The following PARD3 variants were observed in gnomAD, a reference collection of about 807,000 sequenced individuals.
PARD3 encodes the protein par-3 family cell polarity regulator.
Under a neutral mutation model 155.4 loss-of-function variants are expected in PARD3, and 75 were observed. The observed-to-expected ratio is 0.48, with a 90% CI of 0.40 to 0.58. The LOEUF (loss-of-function observed/expected upper bound fraction) is 0.58. Among genes scored for constraint, PARD3 ranks in the 20% least tolerant of loss-of-function variants. The pLI is 0.00. For synonymous variants in PARD3, 576 were observed against 610.5 expected (o/e 0.94, Z 0.83); for missense variants, 1,642 against 1,721.7 (o/e 0.95, Z 0.82).
At chr10:34,240,321 A>G (rs1244101438) in intron 22 of PARD3, among the ~76,000 whole-genome samples, 1 of 152,232 alleles carries the variant, frequency 6.6e-6, no homozygotes, top group Non-Finnish European at 1.5e-5. Context: ...GAGTAAGTAC[A>G]GATGTGCAAA....
chr10:34,782,197 G>C (rs1053414118), intron 1 of PARD3, among the ~76,000 whole-genome samples: 1 of 152,210 alleles, frequency 6.6e-6, no homozygotes, highest in Non-Finnish European at 1.5e-5. Context: ...ATGGAGGCCT[G>C]ATTTAAGGAC....
At chr10:34,729,162 T>C (rs1327452297) in intron 1 of PARD3, among the ~76,000 whole-genome samples, 3 of 152,206 alleles carry the variant, frequency 2.0e-5, no homozygotes, top group African/African-American at 4.8e-5. Context: ...TTTCACAGAA[T>C]GAATCCTCCT....
intron 2 of PARD3, among the ~76,000 whole-genome samples, chr10:34,682,975 G>A (rs965627957): frequency 1.3e-5 from 2 of 152,160 alleles, no homozygotes; most frequent in African/African-American, 2.4e-5. Context: ...GGCCGACAAC[G>A]GCAACCACAA....
intron 2 of PARD3, among the ~76,000 whole-genome samples, chr10:34,579,225 G>A (rs1220258385): frequency 4.0e-5 from 6 of 151,464 alleles, no homozygotes; most frequent in South Asian, 2.1e-4. Flanking sequence ...AGCCAAGATC[G>A]CGCCACTGCG....
At chr10:34,767,998 T>G (rs1838328846) in intron 1 of PARD3, among the ~76,000 whole-genome samples, 1 of 152,120 alleles carries the variant, frequency 6.6e-6, no homozygotes. Context: ...ATAAGAAGCA[T>G]GAGTTTGTTT....
rs1177251777 is a variant in PARD3, at chr10:34,145,217, ATATATTTT to A, written c.3420-13642_3420-13635del. ...TATATATATATATATATATATATAT[ATATATTTT>A]TTTTTTTTTTTTTTTTACAGGATCT... On this transcript the variant is annotated intron_variant, in intron 22 of 24. Coordinates refer to ENST00000374788, the MANE Select transcript of PARD3 (RefSeq NM_001184785.2). Among the ~76,000 whole-genome samples, 7 of 57,958 alleles carry A rather than the reference ATATATTTT, an allele frequency of 1.2e-4. 1 individual carries two copies. Among genetic ancestry groups the A allele is most frequent in the African/African-American group, 4.7e-4 (5 of 10,624 alleles). The allele number at this position is 57,958 out of a possible 152,430, so 38.0% of individuals were successfully genotyped here.
chr10:34,543,740 TGTGCACTGTC>T (rs2083825534), intron 2 of PARD3, among the ~76,000 whole-genome samples: 1 of 152,244 alleles, frequency 6.6e-6, no homozygotes, highest in Non-Finnish European at 1.5e-5. Flanking sequence ...AAAGTGGGTA[TGTGCACTGTC>T]ACTAATGAGA....
intron 20 of PARD3, among the ~76,000 whole-genome samples, chr10:34,286,905 C>A (rs1956421810): frequency 6.6e-6 from 1 of 152,102 alleles, no homozygotes; most frequent in Non-Finnish European, 1.5e-5. Context: ...ATTTTCACAG[C>A]AGCACCAATA....
intron 14 of PARD3, among the ~76,000 whole-genome samples, chr10:34,356,978 A>C (rs1838950121): frequency 6.6e-6 from 1 of 152,220 alleles, no homozygotes; most frequent in Non-Finnish European, 1.5e-5. Context: ...ATTAAAGTCT[A>C]TTACTGTCTA....
At chr10:34,227,852 TTTTTTATATATATATATATATA>T (rs1388441075) in intron 22 of PARD3, among the ~76,000 whole-genome samples, 2 of 31,392 alleles carry the variant, frequency 6.4e-5, no homozygotes, top group Admixed American at 3.9e-4. Context: ...ATGGGAATTA[TTTTTTATATATATATATATATA>T]TATATATATA....
intron 2 of PARD3, among the ~76,000 whole-genome samples, chr10:34,577,111 G>A (rs189819388): frequency 1.1e-4 from 17 of 152,290 alleles, no homozygotes; most frequent in African/African-American, 4.1e-4. Context: ...TAGGCAAAGA[G>A]GAATGGTTCA....
At chr10:34,640,752 AC>A (rs1391407541) in intron 2 of PARD3, among the ~76,000 whole-genome samples, 7 of 146,360 alleles carry the variant, frequency 4.8e-5, no homozygotes, top group African/African-American at 1.7e-4. Context: ...TTTAGGGAAC[AC>A]AATTTGACAA....
chr10:34,562,521 A>G (rs942540297), intron 2 of PARD3, among the ~76,000 whole-genome samples: 15 of 152,198 alleles, frequency 9.9e-5, no homozygotes, highest in African/African-American at 2.9e-4. Context: ...CCGAGCTCAC[A>G]TGCAGGGTTA....
chr10:34,644,812 G>C (rs973132028), intron 2 of PARD3, among the ~76,000 whole-genome samples: 1 of 152,152 alleles, frequency 6.6e-6, no homozygotes, highest in Non-Finnish European at 1.5e-5. Flanking sequence ...CAGTTTATGA[G>C]TTGTAAGGAA....
chr10:34,155,235 G>A (rs1365867181), intron 22 of PARD3, among the ~76,000 whole-genome samples: 6 of 152,152 alleles, frequency 3.9e-5, no homozygotes, highest in Non-Finnish European at 4.4e-5. Context: ...ACTGGGGACT[G>A]ATTATTCTTT....
At chr10:34,202,782 G>A (rs1037562562) in intron 22 of PARD3, among the ~76,000 whole-genome samples, 7 of 152,208 alleles carry the variant, frequency 4.6e-5, no homozygotes, top group African/African-American at 1.7e-4. Flanking sequence ...AAGGGTCTAA[G>A]TATGTGCTTA....
intron 1 of PARD3, among the ~76,000 whole-genome samples, chr10:34,771,403 T>C (rs1838843119): frequency 6.6e-6 from 1 of 152,170 alleles, no homozygotes; most frequent in African/African-American, 2.4e-5. Context: ...GTCCCACGTG[T>C]AGCATAGTGC....
intron 22 of PARD3, among the ~76,000 whole-genome samples, chr10:34,160,619 C>A (rs932425811): frequency 6.6e-6 from 1 of 152,100 alleles, no homozygotes; most frequent in Non-Finnish European, 1.5e-5. Flanking sequence ...GCAGAGATTG[C>A]CTTTAAAAGG....
chr10:34,132,515 A>G (rs1226808890), intron 22 of PARD3, among the ~76,000 whole-genome samples: 1 of 152,210 alleles, frequency 6.6e-6, no homozygotes, highest in African/African-American at 2.4e-5. Context: ...CAGGCTCCAA[A>G]GCTCTTCATT....
Sources: allele counts gnomAD v4.1 joint callset (sites outside exome capture counted in the v4.1 genomes callset), GRCh38; gene constraint gnomAD v4.1.1; transcripts MANE v1.5; gene names NCBI Gene and HGNC (gene_info 2026-07-23, HGNC 2026-07-21).